GOLM2: variants seen among roughly 807,000 people sequenced by gnomAD.
GOLM2 encodes golgi membrane protein 2.
In GOLM2, 26 loss-of-function variants were observed where a neutral mutation model predicts 55.9. The observed-to-expected ratio is 0.47, with a 90% CI of 0.34 to 0.65. GOLM2 has a LOEUF of 0.65. Among genes scored for constraint, GOLM2 ranks in the 30% least tolerant of loss-of-function variants. The pLI, the probability that GOLM2 is intolerant of heterozygous loss-of-function variation, is 0.01. For missense variants in GOLM2, 486 were observed against 531.8 expected (o/e 0.91, Z 0.85); for synonymous variants, 165 against 194.6 (o/e 0.85, Z 1.27).
At chr15:44,290,032 A>G (rs2078709108) in intron 1 of GOLM2, among the ~76,000 whole-genome samples, 1 of 152,236 alleles carries the variant, frequency 6.6e-6, no homozygotes, top group East Asian at 1.9e-4. Flanking sequence ...CTGAAAATAA[A>G]TTTTAAGCAG....
At position 44,408,867 on chromosome 15, in the gene GOLM2, G is replaced by A. The variant is rs535455822; in HGVS notation, c.1241-4469G>A. ...TAGTCCCAGCTACTGGGGAGCCTGA[G>A]GCAGGAGAATGGTGTGAACCTAGGA... On this transcript the variant is annotated intron_variant, in intron 9 of 9. Transcript: ENST00000299957. Among the ~76,000 whole-genome samples, 251 of 152,334 alleles carry A rather than the reference G, an allele frequency of 1.6e-3. 1 individual carries two copies. Among genetic ancestry groups the A allele is most frequent in the African/African-American group, 5.8e-3 (243 of 41,578 alleles).
chr15:44,337,232 T>A (rs140688648), intron 4 of GOLM2, among the ~76,000 whole-genome samples: 135 of 151,966 alleles, frequency 8.9e-4, no homozygotes, highest in African/African-American at 3.2e-3. Flanking sequence ...AGGAACAGGT[T>A]AGAGGAAGCA....
chr15:44,289,718 T>C lies in GOLM2; in HGVS notation c.327+362T>C, dbSNP rs539811552. 2.6e-5 allele frequency among the ~76,000 whole-genome samples: 4 copies of C among 152,226 alleles called. No homozygotes were observed. The South Asian group carries it at 8.3e-4, about 31-fold the overall frequency. ...ACTGCCAGGTTTGGTGTGGTTATTG[T>C]CTCATTTTTATTCCGTGCACACTGA... On this transcript the variant is annotated intron_variant, in intron 1 of 9. Coordinates refer to ENST00000299957, the MANE Select transcript of GOLM2 (RefSeq NM_138423.4). The surrounding 1 kb of genome is among the most constrained non-coding windows in gnomAD (Gnocchi z 4.8).
At chr15:44,326,738 G>T (rs572437303) in intron 2 of GOLM2, among the ~76,000 whole-genome samples, 4 of 148,202 alleles carry the variant, frequency 2.7e-5, no homozygotes, top group African/African-American at 1.0e-4. Flanking sequence ...TGTAACCTCC[G>T]CCACTCGGGT....
chr15:44,397,100 T>A (rs1288350964), intron 8 of GOLM2, among the ~76,000 whole-genome samples: 1 of 152,082 alleles, frequency 6.6e-6, no homozygotes, highest in Admixed American at 6.6e-5. Flanking sequence ...GATTTAACAG[T>A]TTTGTTACGG....
intron 6 of GOLM2, among the ~76,000 whole-genome samples, chr15:44,358,046 G>A (rs1051124178): frequency 1.3e-5 from 2 of 152,116 alleles, no homozygotes; most frequent in African/African-American, 4.8e-5. Context: ...TTGACAAACT[G>A]ATTCCAAAGT....
intron 6 of GOLM2, among the ~76,000 whole-genome samples, chr15:44,353,268 A>G (rs1200178989): frequency 1.3e-5 from 2 of 152,176 alleles, no homozygotes; most frequent in Admixed American, 1.3e-4. Flanking sequence ...AGAAAAGCGA[A>G]CCCTCATACA....
intron 9 of GOLM2, among the ~76,000 whole-genome samples, chr15:44,408,199 A>G (rs182419935): frequency 6.6e-6 from 1 of 152,336 alleles, no homozygotes; most frequent in East Asian, 1.9e-4. Context: ...TCCTAAAAGG[A>G]ACTAAAATAT....
At chr15:44,363,387 A>T (rs540717979) in intron 6 of GOLM2, among the ~76,000 whole-genome samples, 1 of 152,356 alleles carries the variant, frequency 6.6e-6, no homozygotes, top group Admixed American at 6.5e-5. Context: ...GGCGAAGGAC[A>T]TGAACAGACA....
intron 8 of GOLM2, among the ~76,000 whole-genome samples, chr15:44,381,528 T>G (rs974848080): frequency 6.6e-6 from 1 of 152,228 alleles, no homozygotes; most frequent in South Asian, 2.1e-4. Context: ...TTCCTTAAAC[T>G]GTGCTTTTCA....
chr15:44,295,133 G>A (rs1054673578), intron 1 of GOLM2, among the ~76,000 whole-genome samples: 8 of 150,494 alleles, frequency 5.3e-5, no homozygotes, highest in East Asian at 3.9e-4. Context: ...AGGCTGGAGC[G>A]CAGTGGCGCA....
chr15:44,413,485 T>A lies in GOLM2; in HGVS notation c.*79T>A. ...ACTTTGTCCTTTCTGACTTTTGTTGTAAAGACGAATTGTATCAGTTGTAAA... is the reference window on the plus strand; with the variant it reads ...ACTTTGTCCTTTCTGACTTTTGTTGAAAAGACGAATTGTATCAGTTGTAAA... On this transcript the variant is annotated 3_prime_UTR_variant, in exon 10 of 10. Coordinates refer to ENST00000299957, the MANE Select transcript of GOLM2 (RefSeq NM_138423.4). The A allele has an allele frequency of 9.6e-7, 1 of 1,045,712 alleles. No individual in the cohort carries two copies. The highest frequency in any genetic ancestry group is 1.5e-6 in the Non-Finnish European group (1 of 686,642). 64.8% of individuals were successfully genotyped at this position (1,045,712 alleles called of 1,614,324 possible). A position where few individuals can be genotyped will look rare whatever the true frequency, so the allele number is the denominator to read the frequency against.
intron 1 of GOLM2, among the ~76,000 whole-genome samples, chr15:44,292,117 G>A (rs1261664753): frequency 6.6e-6 from 1 of 151,522 alleles, no homozygotes; most frequent in Non-Finnish European, 1.5e-5. Flanking sequence ...AATATTTTAT[G>A]CAGCTGGCTC....
At chr15:44,394,343 T>C (rs753151150) in intron 8 of GOLM2, among the ~76,000 whole-genome samples, 10 of 152,208 alleles carry the variant, frequency 6.6e-5, no homozygotes, top group Non-Finnish European at 1.5e-4. Flanking sequence ...TTTTAGTTGA[T>C]TTCATCATTG....
In GOLM2 at chr15:44,386,716, T is replaced by A. The variant is rs370458079; in HGVS notation, c.1072+5740T>A. On this transcript the variant is annotated intron_variant, in intron 8 of 9. Coordinates refer to ENST00000299957, the MANE Select transcript of GOLM2 (RefSeq NM_138423.4). ...CAAGACCCTATCTCTAAAAAAAATT[T>A]AAAAATTAGCCAGGCATGGTGGCAC... Among the ~76,000 whole-genome samples the A allele has an allele frequency of 2.5e-4, 37 of 148,756 alleles. No individual in the cohort carries two copies. In the South Asian group the frequency reaches 3.9e-3, roughly 16 times the overall value.
intron 7 of GOLM2, 72 bp from the exon 8 acceptor site, chr15:44,380,734 G>A: frequency 9.1e-7 from 1 of 1,098,214 alleles, no homozygotes; most frequent in Non-Finnish European, 1.2e-6. Flanking sequence ...TTCTAAAGCA[G>A]ATCTTGTGAA....
chr15:44,306,620 G>T lies in GOLM2; in HGVS notation c.328-16345G>T, dbSNP rs548487061. ...GCACAAGAGGCCTAGCTTTTGGCCT[G>T]TCTATGTTCTTGACGTGCCCTTTTC... On this transcript the variant is annotated intron_variant, in intron 1 of 9. Coordinates refer to ENST00000299957, the MANE Select transcript of GOLM2 (RefSeq NM_138423.4). 1.7e-4 allele frequency among the ~76,000 whole-genome samples: 26 copies of T among 152,308 alleles called. No homozygotes were observed. In the South Asian group the frequency reaches 5.4e-3, roughly 32 times the overall value.
chr15:44,402,970 G>T lies in GOLM2; in HGVS notation c.1156G>T (p.Val386Leu), dbSNP rs766624637. ...LADYNGDDGNVGEYEADKQAE... is the reference protein window; with the variant it reads ...LADYNGDDGNLGEYEADKQAE... ...GGATTATAATGGGGATGATGGTAAC[G>T]TAGGTGAGTATGAGGCAGACAAGCA... is the stretch of plus-strand genomic sequence containing the variant. Residue 386 changes from valine (V) to leucine (L), a missense_variant, in exon 9 of 10, where the codon GTA becomes TTA. Transcript: ENST00000299957. The T allele has an allele frequency of 1.9e-5, 30 of 1,614,012 alleles. No homozygotes were observed. The highest frequency in any genetic ancestry group is 2.5e-5 in the Non-Finnish European group (30 of 1,179,996).
intron 1 of GOLM2, among the ~76,000 whole-genome samples, chr15:44,302,451 GT>G (rs1308658700): frequency 6.7e-6 from 1 of 150,216 alleles, no homozygotes; most frequent in Non-Finnish European, 1.5e-5. Flanking sequence ...AGTGGTTCTA[GT>G]TTTTTTCTTG....
Sources: gnomAD v4.1 joint callset for allele counts (sites outside exome capture counted in the v4.1 genomes callset) on GRCh38, gnomAD v4.1.1 for gene constraint, Gnocchi (gnomAD v3.1) non-coding constraint, MANE v1.5 for transcripts, NCBI Gene and HGNC (gene_info 2026-07-23, HGNC 2026-07-21) for gene names.